KLHL32: variants seen among roughly 807,000 people sequenced by gnomAD.
KLHL32 encodes kelch-like protein 32.
In KLHL32, 35 loss-of-function variants were observed where a neutral mutation model predicts 64.8. The observed-to-expected ratio is 0.54, with a 90% CI of 0.41 to 0.72. The LOEUF (loss-of-function observed/expected upper bound fraction) is 0.72, where lower values mean the gene tolerates loss of function less well. Among genes scored for constraint, KLHL32 ranks in the 30% least tolerant of loss-of-function variants. The probability of loss-of-function intolerance (pLI) is 0.00; values close to 1 mark genes in which losing one functional copy is unlikely to be tolerated. For synonymous variants in KLHL32, 259 were observed against 281.0 expected, an observed-to-expected ratio of 0.92 and a Z score of 0.78; for missense variants, 589 against 768.5, an observed-to-expected ratio of 0.77 and a Z score of 2.76.
At chr6:97,123,894 G>A (rs193193955) in intron 7 of KLHL32, among the ~76,000 whole-genome samples, 1 of 152,260 alleles carries the variant, frequency 6.6e-6, no homozygotes, top group East Asian at 1.9e-4. Context: ...TCCAGTCTAG[G>A]AGAAATTAAA....
chr6:97,131,306 C>A (rs1486001093), intron 9 of KLHL32, among the ~76,000 whole-genome samples: 1 of 152,152 alleles, frequency 6.6e-6, no homozygotes, highest in African/African-American at 2.4e-5. Flanking sequence ...TTATTGTTTA[C>A]TTCTCACTGC....
At chr6:97,084,913 G>A (rs1793151596) in intron 5 of KLHL32, among the ~76,000 whole-genome samples, 3 of 152,164 alleles carry the variant, frequency 2.0e-5, no homozygotes, top group Non-Finnish European at 4.4e-5. Context: ...TGGGTTTTAA[G>A]AGGAGTAAAA....
chr6:97,055,667 A>C (rs182338779), intron 4 of KLHL32, among the ~76,000 whole-genome samples: 1 of 151,914 alleles, frequency 6.6e-6, no homozygotes, highest in Non-Finnish European at 1.5e-5. Flanking sequence ...GTGTGGTGAC[A>C]TGTGCCTGTA....
At chr6:97,103,672 A>C (rs1466441409) in intron 6 of KLHL32, among the ~76,000 whole-genome samples, 1 of 152,260 alleles carries the variant, frequency 6.6e-6, no homozygotes, top group Non-Finnish European at 1.5e-5. Flanking sequence ...AGTGACTATG[A>C]TGTAACCTAG....
At chr6:96,973,406 C>A (rs758250478) in intron 2 of KLHL32, among the ~76,000 whole-genome samples, 2 of 152,088 alleles carry the variant, frequency 1.3e-5, no homozygotes. Context: ...GGTTCCACTA[C>A]AAATGAAATT....
chr6:97,066,643 T>C (rs532485091), intron 5 of KLHL32, among the ~76,000 whole-genome samples: 1 of 152,338 alleles, frequency 6.6e-6, no homozygotes, highest in African/African-American at 2.4e-5. Flanking sequence ...GAAGGAAATT[T>C]TGACTATATG....
intron 3 of KLHL32, among the ~76,000 whole-genome samples, chr6:96,996,265 A>C (rs1170232057): frequency 6.6e-6 from 1 of 152,224 alleles, no homozygotes; most frequent in Non-Finnish European, 1.5e-5. Context: ...AAAGTGATTC[A>C]AATATGACAT....
chr6:97,028,115 A>G (rs1472974294), intron 3 of KLHL32, among the ~76,000 whole-genome samples: 1 of 152,066 alleles, frequency 6.6e-6, no homozygotes, highest in East Asian at 1.9e-4. Context: ...AGGACTGACT[A>G]CCCCAGCTGT....
chr6:96,899,600 G>T, the KLHL32 span, among the ~76,000 whole-genome samples: 1 of 152,218 alleles, frequency 6.6e-6, no homozygotes, highest in African/African-American at 2.4e-5. Flanking sequence ...TGTGTCAGCT[G>T]CTTTGCCTGA....
At chr6:96,983,990 C>T (rs553599774) in intron 3 of KLHL32, among the ~76,000 whole-genome samples, 1 of 152,296 alleles carries the variant, frequency 6.6e-6, no homozygotes, top group African/African-American at 2.4e-5. Context: ...AATTTTAGAT[C>T]TCTCCTGCTT....
the KLHL32 span, among the ~76,000 whole-genome samples, chr6:96,918,615 A>C: frequency 6.6e-6 from 1 of 152,218 alleles, no homozygotes; most frequent in Admixed American, 6.5e-5. Flanking sequence ...GAAACTAAAA[A>C]TTTGATGTAT....
intron 6 of KLHL32, 123 bp from the exon 7 acceptor site, chr6:97,113,660 G>A (rs1416305536): frequency 3.1e-6 from 4 of 1,278,060 alleles, no homozygotes; most frequent in South Asian, 2.9e-5. Flanking sequence ...CAGTTATACT[G>A]TTTGTAAGAA....
intron 6 of KLHL32, among the ~76,000 whole-genome samples, chr6:97,101,842 A>G (rs532110894): frequency 1.3e-5 from 2 of 152,332 alleles, no homozygotes; most frequent in South Asian, 4.1e-4. Flanking sequence ...CAATCTCTCA[A>G]AATTTACATC....
At chr6:97,054,339 T>C (rs1366360437) in intron 4 of KLHL32, among the ~76,000 whole-genome samples, 1 of 152,236 alleles carries the variant, frequency 6.6e-6, no homozygotes, top group Non-Finnish European at 1.5e-5. Context: ...TTCTCAAATT[T>C]AGATTCATTA....
chr6:96,995,565 C>A (rs1286475766), intron 3 of KLHL32, among the ~76,000 whole-genome samples: 2 of 152,178 alleles, frequency 1.3e-5, no homozygotes, highest in East Asian at 3.9e-4. Flanking sequence ...TTCACCCTCC[C>A]CTTTGTTCCC....
intron 2 of KLHL32, among the ~76,000 whole-genome samples, chr6:96,971,364 C>CA: frequency 6.6e-6 from 1 of 152,150 alleles, no homozygotes; most frequent in East Asian, 1.9e-4. Flanking sequence ...AACTCTGTGA[C>CA]CTCAGAGCAG....
chr6:97,051,769 C>T (rs1290046768), intron 4 of KLHL32, among the ~76,000 whole-genome samples: 1 of 152,104 alleles, frequency 6.6e-6, no homozygotes. Flanking sequence ...AGTGGGGAGT[C>T]TTGGTTAGTT....
intron 1 of KLHL32, among the ~76,000 whole-genome samples, chr6:96,940,458 A>G (rs1562176381): frequency 6.6e-6 from 1 of 152,214 alleles, no homozygotes; most frequent in Non-Finnish European, 1.5e-5. Flanking sequence ...GCATTTACTG[A>G]TGCAGAATGC....
chr6:96,948,091 T>G (rs1342401633), intron 1 of KLHL32, among the ~76,000 whole-genome samples: 1 of 152,196 alleles, frequency 6.6e-6, no homozygotes, highest in East Asian at 1.9e-4. Context: ...AAATTGTCTA[T>G]TGTAGGTTAC....
Sources: gnomAD v4.1 joint callset for allele counts (sites outside exome capture counted in the v4.1 genomes callset) on GRCh38, gnomAD v4.1.1 for gene constraint, MANE v1.5 for transcripts, NCBI Gene and HGNC (gene_info 2026-07-23, HGNC 2026-07-21) for gene names.